Variants in KIAA0232 observed in about 807,000 individuals in gnomAD.
KIAA0232 encodes KIAA0232.
KIAA0232 carries 27 observed loss-of-function variants against 122.0 expected under a neutral mutation model. The ratio of observed to expected loss-of-function variants is 0.22; its 90% CI spans 0.16 to 0.31. KIAA0232 has a LOEUF of 0.31. Ranked by LOEUF, KIAA0232 falls within the 10% of genes least tolerant of loss-of-function variation. The pLI is 1.00. For synonymous variants in KIAA0232, 613 were observed against 587.6 expected (o/e 1.04, Z -0.63); for missense variants, 1,551 against 1,634.2 (o/e 0.95, Z 0.88).
intron 2 of KIAA0232, among the ~76,000 whole-genome samples, chr4:6,814,422 C>G (rs548463916): frequency 1.6e-3 from 239 of 150,218 alleles, no homozygotes; most frequent in Middle Eastern, 3.4e-3. Flanking sequence ...GTATTTTGTT[C>G]TAAAAGGCTA....
At chr4:6,802,712 A>G (rs529974876) in intron 1 of KIAA0232, among the ~76,000 whole-genome samples, 2 of 152,296 alleles carry the variant, frequency 1.3e-5, no homozygotes, top group Admixed American at 6.5e-5. Flanking sequence ...GGATTTTGCT[A>G]TAACATAGAA....
At chr4:6,798,332 ATAAC>A (rs1335040569) in intron 1 of KIAA0232, among the ~76,000 whole-genome samples, 2 of 152,176 alleles carry the variant, frequency 1.3e-5, no homozygotes, top group East Asian at 3.9e-4. Flanking sequence ...AAGGAATAAA[ATAAC>A]TATAGAGAGC....
chr4:6,815,126 A>G (rs1718059337), intron 2 of KIAA0232, among the ~76,000 whole-genome samples: 2 of 152,168 alleles, frequency 1.3e-5, no homozygotes, highest in Admixed American at 6.5e-5. Flanking sequence ...TTAACTTCGT[A>G]TTGACTAAAT....
At chr4:6,869,304 A>G (rs972991542) in intron 7 of KIAA0232, among the ~76,000 whole-genome samples, 1 of 152,232 alleles carries the variant, frequency 6.6e-6, no homozygotes, top group African/African-American at 2.4e-5. Context: ...TTCTTTCTCA[A>G]ATAAGAACCT....
chr4:6,866,782 C>CT (rs1277952677), intron 7 of KIAA0232, among the ~76,000 whole-genome samples: 2 of 152,136 alleles, frequency 1.3e-5, no homozygotes, highest in African/African-American at 4.8e-5. Flanking sequence ...GTTTACATGC[C>CT]TGTTGCTAAA....
intron 4 of KIAA0232, among the ~76,000 whole-genome samples, chr4:6,854,807 ATCTT>A (rs1489889481): frequency 6.6e-6 from 1 of 152,136 alleles, no homozygotes; most frequent in Non-Finnish European, 1.5e-5. Context: ...ATATAACTTA[ATCTT>A]TCTTTGTTTT....
At position 6,863,055 on chromosome 4, in the gene KIAA0232, G is replaced by C. The variant is rs755769778; in HGVS notation, c.2673G>C (p.Glu891Asp). Residue 891 changes from glutamate (E) to aspartate (D), a missense_variant, in exon 7 of 10, where the codon GAG becomes GAC. This residue lies in a region of KIAA0232 where 1,108 missense variants were observed against 1,154.8 expected (regional missense o/e 0.96). Transcript: ENST00000307659. ...SEYHLWEGQK[E>D]SLEKRAFASS... ...ACCATCTGTGGGAGGGACAGAAAGAGAGCCTGGAGAAAAGAGCATTTGCTT... is the reference window on the plus strand; with the variant it reads ...ACCATCTGTGGGAGGGACAGAAAGACAGCCTGGAGAAAAGAGCATTTGCTT... The C allele has an allele frequency of 4.3e-6, 7 of 1,614,240 alleles. No individual in the cohort carries two copies. Among genetic ancestry groups the C allele is most frequent in the Admixed American group, 3.3e-5 (2 of 60,030 alleles).
intron 2 of KIAA0232, among the ~76,000 whole-genome samples, chr4:6,814,825 T>A (rs962191451): frequency 1.3e-5 from 2 of 152,192 alleles, no homozygotes; most frequent in Non-Finnish European, 2.9e-5. Context: ...ATAACTCAAA[T>A]GATATATAAA....
At chr4:6,786,735 T>A in intron 1 of KIAA0232, among the ~76,000 whole-genome samples, 1 of 152,252 alleles carries the variant, frequency 6.6e-6, no homozygotes. Flanking sequence ...CATAATCACA[T>A]AAGTGGTATT....
rs371099770 is a variant in KIAA0232 at position 6,871,693 on chromosome 4, C to G, written c.3910+11C>G. ...CATCAGAGTGTGAAGGTAAGGAGAC[C>G]TTTGTTAGTTCATTTATTCATTGCA... On this transcript the variant is annotated intron_variant, in intron 8 of 9. Transcript: ENST00000307659. 1 of 1,450,314 alleles carries G rather than the reference C, an allele frequency of 6.9e-7. No homozygotes were observed. Among genetic ancestry groups the G allele is most frequent in the Non-Finnish European group, 9.6e-7 (1 of 1,040,898 alleles). 89.8% of individuals were successfully genotyped at this position (1,450,314 alleles called of 1,614,324 possible). A position where few individuals can be genotyped will look rare whatever the true frequency, so the allele number is the denominator to read the frequency against.
At chr4:6,817,475 A>G (rs925710967) in intron 2 of KIAA0232, among the ~76,000 whole-genome samples, 1 of 152,160 alleles carries the variant, frequency 6.6e-6, no homozygotes, top group Non-Finnish European at 1.5e-5. Flanking sequence ...TCGGCCTCCC[A>G]AAGTGCTGGG....
intron 7 of KIAA0232, among the ~76,000 whole-genome samples, chr4:6,866,029 C>T (rs953242865): frequency 4.6e-5 from 7 of 152,156 alleles, no homozygotes; most frequent in African/African-American, 1.7e-4. Context: ...AGAGGCACTG[C>T]TCTAATCAGC....
intron 1 of KIAA0232, among the ~76,000 whole-genome samples, chr4:6,793,111 C>T (rs1314939708): frequency 6.6e-6 from 1 of 152,146 alleles, no homozygotes; most frequent in Non-Finnish European, 1.5e-5. Context: ...CTCTCATCTC[C>T]TAATCCTGTT....
intron 2 of KIAA0232, among the ~76,000 whole-genome samples, chr4:6,807,339 T>C (rs936044078): frequency 6.6e-6 from 1 of 152,226 alleles, no homozygotes; most frequent in African/African-American, 2.4e-5. Context: ...TTTATGAAAA[T>C]ATTAATAATT....
chr4:6,787,369 G>T (rs530315202), intron 1 of KIAA0232, among the ~76,000 whole-genome samples: 6 of 152,108 alleles, frequency 3.9e-5, no homozygotes, highest in African/African-American at 1.2e-4. Flanking sequence ...CTTCTTGGCC[G>T]TGAACAAGTT....
Position 6,818,719 on chromosome 4 carries a change from A to G in KIAA0232, c.-269-5466A>G, listed in dbSNP as rs562285091. Among the ~76,000 whole-genome samples, 8 of 152,256 alleles carry G rather than the reference A, an allele frequency of 5.3e-5. No homozygotes were observed. The East Asian group carries it at 1.5e-3, about 29-fold the overall frequency. ...TTTTTCACAGAACTGGAAAAAAAAA[A>G]AAACTATTACAAAATTCGTGTGGAA... On this transcript the variant is annotated intron_variant, in intron 2 of 9. Coordinates refer to ENST00000307659, the MANE Select transcript of KIAA0232 (RefSeq NM_014743.3).
In KIAA0232 at chr4:6,842,091, GA is replaced by G; in HGVS notation, c.261del (p.Gly88GlufsTer16). 1 of 1,613,412 alleles carries G rather than the reference GA, an allele frequency of 6.2e-7. No homozygotes were observed. Among genetic ancestry groups the G allele is most frequent in the Admixed American group, 1.7e-5 (1 of 59,866 alleles). On this transcript the variant is annotated frameshift_variant, in exon 4 of 10. Transcript: ENST00000307659. LOFTEE classifies it high-confidence loss of function. ...EQENDIFLGWEKGAYKKWGKS... is the reference protein window; with the variant it reads ...EQENDIFLGWXKGAYKKWGKS... ...GGAGAATGACATCTTCCTGGGCTGG[GA>G]AAAAGGAGCTTATAAGAAATGGGGA...
intron 1 of KIAA0232, among the ~76,000 whole-genome samples, chr4:6,787,177 C>CAAA (rs34617834): frequency 6.1e-5 from 5 of 81,388 alleles, no homozygotes; most frequent in Non-Finnish European, 9.2e-5. Context: ...AAGGCTCTCT[C>CAAA]AAAAAAAAAA....
chr4:6,867,416 G>C (rs758505477), intron 7 of KIAA0232, among the ~76,000 whole-genome samples: 1 of 152,218 alleles, frequency 6.6e-6, no homozygotes, highest in African/African-American at 2.4e-5. Context: ...TGTGAACAGG[G>C]ATCTCACGGT....
Sources: gnomAD v4.1 joint callset for allele counts (sites outside exome capture counted in the v4.1 genomes callset) on GRCh38, gnomAD v4.1.1 for gene constraint, gnomAD v4.1.1 regional missense constraint, MANE v1.5 for transcripts, NCBI Gene and HGNC (gene_info 2026-07-23, HGNC 2026-07-21) for gene names.